The following PRKAB2 variants were observed in gnomAD, a reference collection of about 807,000 sequenced individuals.
PRKAB2 encodes protein kinase AMP-activated non-catalytic subunit beta 2.
In PRKAB2, 18 loss-of-function variants were observed where a neutral mutation model predicts 29.8. That is an observed-to-expected ratio of 0.60 (90% CI 0.42 to 0.89). The LOEUF is 0.89. Among genes scored for constraint, PRKAB2 ranks in the 40% least tolerant of loss-of-function variants. The probability of loss-of-function intolerance (pLI) is 0.00; values close to 1 mark genes in which losing one functional copy is unlikely to be tolerated. For synonymous variants in PRKAB2, 136 were observed against 125.9 expected, an observed-to-expected ratio of 1.08 and a Z score of -0.54; for missense variants, 270 against 344.3, an observed-to-expected ratio of 0.78 and a Z score of 1.71.
intron 1 of PRKAB2, 123 bp downstream of exon 1, chr1:147,172,306 C>T (rs1559616045): frequency 9.8e-7 from 1 of 1,020,718 alleles, no homozygotes; most frequent in Non-Finnish European, 1.4e-6. Flanking sequence ...CCTCTCCCTC[C>T]TGGCCTGCGG....
chr1:147,160,173 C>A (rs1164039018), intron 7 of PRKAB2, among the ~76,000 whole-genome samples: 6 of 152,164 alleles, frequency 3.9e-5, no homozygotes, highest in African/African-American at 1.4e-4. Flanking sequence ...TCCAAAAGAT[C>A]TCTCTGATTT....
At chr1:147,168,830 T>C (rs1654377747) in intron 2 of PRKAB2, among the ~76,000 whole-genome samples, 1 of 152,180 alleles carries the variant, frequency 6.6e-6, no homozygotes, top group African/African-American at 2.4e-5. Context: ...GAAAGGACCT[T>C]GCTCTGTCAC....
intron 7 of PRKAB2, 89 bp from the exon 8 acceptor site, chr1:147,159,731 T>C (rs1300685204): frequency 1.7e-6 from 2 of 1,144,734 alleles, no homozygotes; most frequent in Non-Finnish European, 2.6e-6. Context: ...AGTCACTCAC[T>C]TTTAACAGAG....
rs1415435693 is a variant in PRKAB2, at chr1:147,161,728, T to C, written c.725A>G (p.Tyr242Cys). Residue 242 changes from tyrosine (Y) to cysteine (C), a missense_variant, in exon 7 of 8, where the codon TAT (tyrosine) becomes TGT (cysteine). Physicochemically the swap from Tyr to Cys is radical, Grantham distance 194 (BLOSUM62 -2). Around this residue, in one of 2 missense-constraint regions of PRKAB2, gnomAD observed 42 missense variants for 88.8 expected, o/e 0.47. Transcript: ENST00000254101. ...ACCACTTACCTTAATGGACAATGCA[T>C]AGAGATGGTTCAGCATAACATGGTT... ...EPNHVMLNHL[Y>C]ALSIKDSVMV... is the part of the protein sequence containing the mutation. The C allele has an allele frequency of 1.1e-5, 18 of 1,612,648 alleles. No individual in the cohort carries two copies. Among genetic ancestry groups the C allele is most frequent in the Non-Finnish European group, 1.5e-5 (18 of 1,179,000 alleles).
At chr1:147,167,437 T>A (rs1338726330) in intron 3 of PRKAB2, among the ~76,000 whole-genome samples, 1 of 152,198 alleles carries the variant, frequency 6.6e-6, no homozygotes, top group African/African-American at 2.4e-5. Context: ...GTGTTTTGCT[T>A]TAGTGCAGAA....
At chr1:147,163,625 T>C (rs1406399407) in intron 5 of PRKAB2, among the ~76,000 whole-genome samples, 9 of 152,102 alleles carry the variant, frequency 5.9e-5, no homozygotes, top group Admixed American at 5.9e-4. Context: ...TCCACTGATA[T>C]GAAATGTCCA....
chr1:147,162,821 C>G (rs1654038036), intron 5 of PRKAB2, among the ~76,000 whole-genome samples: 1 of 152,128 alleles, frequency 6.6e-6, no homozygotes, highest in Non-Finnish European at 1.5e-5. Flanking sequence ...GACTCAAAGA[C>G]CCAGGCTCAG....
At chr1:147,163,155 C>T (rs587743331) in intron 5 of PRKAB2, among the ~76,000 whole-genome samples, 11 of 152,248 alleles carry the variant, frequency 7.2e-5, no homozygotes, top group Non-Finnish European at 1.5e-4. Context: ...TTCATACTCA[C>T]TAGGACAGCT....
rs1278206210 is a variant in PRKAB2 at position 147,158,240 on chromosome 1, G to A, written c.*1325C>T. 6.6e-6 allele frequency: 1 copy of A among 152,172 alleles called. No homozygotes were observed. Among genetic ancestry groups the A allele is most frequent in the Non-Finnish European group, 1.5e-5 (1 of 68,032 alleles). 9.4% of individuals were successfully genotyped at this position (152,172 alleles called of 1,614,324 possible). ...CTTAATCATCAAACACCTTTAAAAA[G>A]AAGAGGCAGGAGAACAAAATGATTT... On this transcript the variant is annotated 3_prime_UTR_variant, in exon 8 of 8. Coordinates refer to ENST00000254101, the MANE Select transcript of PRKAB2 (RefSeq NM_005399.5).
At chr1:147,170,547 T>G (rs1479410733) in intron 2 of PRKAB2, among the ~76,000 whole-genome samples, 1 of 152,234 alleles carries the variant, frequency 6.6e-6, no homozygotes, top group Non-Finnish European at 1.5e-5. Context: ...GTGCTCCTTT[T>G]AATCACTCTC....
intron 6 of PRKAB2, 123 bp downstream of exon 6, chr1:147,162,317 G>T: frequency 2.2e-6 from 2 of 927,220 alleles, no homozygotes; most frequent in Non-Finnish European, 3.1e-6. Context: ...AATGTTATTG[G>T]TATGTGTATG....
chr1:147,167,396 C>T (rs1194662537), intron 3 of PRKAB2, among the ~76,000 whole-genome samples: 1 of 152,158 alleles, frequency 6.6e-6, no homozygotes, highest in Non-Finnish European at 1.5e-5. Context: ...TTGGAAGCAA[C>T]AAATAACATG....
chr1:147,172,098 G>A lies in PRKAB2; in HGVS notation c.47C>T (p.Ala16Val), dbSNP rs1553914527. The A allele has an allele frequency of 6.4e-7, 1 of 1,559,082 alleles. No individual in the cohort carries two copies. The highest frequency in any genetic ancestry group is 1.2e-5 in the South Asian group (1 of 84,596). ...TGCGCCCTCGGAGCGTGCAGCCTTG[G>A]CGCCGTGGCGCTCCCCGGACACCCG... is the stretch of plus-strand genomic sequence containing the variant. ...SDRVSGERHG[A>V]KAARSEGAGG... Residue 16 changes from alanine to valine, a missense_variant, in exon 2 of 8, where the codon GCC becomes GTC. By Grantham distance (64) the Ala-to-Val change is moderately conservative (BLOSUM62 0). Around this residue, in one of 2 missense-constraint regions of PRKAB2, gnomAD observed 228 missense variants for 255.5 expected, o/e 0.89. Transcript: ENST00000254101.
chr1:147,162,177 C>G (rs587661940), intron 6 of PRKAB2, among the ~76,000 whole-genome samples: 1 of 152,154 alleles, frequency 6.6e-6, no homozygotes, highest in Admixed American at 6.5e-5. Flanking sequence ...ATGATAACTA[C>G]TCCTTTATGT....
In PRKAB2 at chr1:147,172,132, TG is replaced by T; in HGVS notation, c.12del (p.Thr5ProfsTer66). 6.4e-7 allele frequency: 1 copy of T among 1,550,942 alleles called. No homozygotes were observed. The highest frequency in any genetic ancestry group is 1.2e-5 in the South Asian group (1 of 84,094). MGN[T>X]TSDRVSGERH... ...CGCTCCCCGGACACCCGGTCGCTGG[TG>T]GTGTTTCCCATGGCTGCAGCTCGTC... On this transcript the variant is annotated frameshift_variant, in exon 2 of 8. Coordinates refer to ENST00000254101, the MANE Select transcript of PRKAB2 (RefSeq NM_005399.5). LOFTEE classifies it high-confidence loss of function.
chr1:147,172,002 A>T lies in PRKAB2; in HGVS notation c.143T>A (p.Leu48His). The change falls in exon 2 of 8, where the codon CTC becomes CAC. Residue 48 changes from leucine (L) to histidine (H), a missense_variant. This residue lies in a region of PRKAB2 where 228 missense variants were observed against 255.5 expected (regional missense o/e 0.89). Coordinates refer to ENST00000254101, the MANE Select transcript of PRKAB2 (RefSeq NM_005399.5). ...GSTDDPSVFS[L>H]PDSKLPGDKE... ...TGGGACGCTTACCTTGGAGTCAGGG[A>T]GGCTGAACACGCTGGGGTCGTCCGT... is the stretch of plus-strand genomic sequence containing the variant. The T allele has an allele frequency of 6.2e-7, 1 of 1,601,524 alleles. No individual in the cohort carries two copies. The highest frequency in any genetic ancestry group is 2.3e-5 in the East Asian group (1 of 43,934).
chr1:147,167,518 T>C (rs1654309815), intron 3 of PRKAB2, among the ~76,000 whole-genome samples: 1 of 152,118 alleles, frequency 6.6e-6, no homozygotes, highest in African/African-American at 2.4e-5. Context: ...TATGACATAG[T>C]CCTAAAGAAT....
rs1228449569 is a variant in PRKAB2, at chr1:147,156,719, C to A, written c.*2846G>T. Reference sequence around the variant, plus strand: ...CGTATGTGTTTTAGGTAATGTCTGACACTCTGGTAAAGTCTGCCTGACACA... The same window carrying A: ...CGTATGTGTTTTAGGTAATGTCTGAAACTCTGGTAAAGTCTGCCTGACACA... On this transcript the variant is annotated 3_prime_UTR_variant, in exon 8 of 8. Coordinates refer to ENST00000254101, the MANE Select transcript of PRKAB2 (RefSeq NM_005399.5). 6.6e-6 allele frequency: 1 copy of A among 152,086 alleles called. No individual in the cohort carries two copies. The highest frequency in any genetic ancestry group is 1.5e-5 in the Non-Finnish European group (1 of 68,020). 9.4% of individuals were successfully genotyped at this position (152,086 alleles called of 1,614,324 possible). A position where few individuals can be genotyped will look rare whatever the true frequency, so the allele number is the denominator to read the frequency against.
chr1:147,167,621 A>C, intron 3 of PRKAB2, 146 bp downstream of exon 3: 1 of 923,554 alleles, frequency 1.1e-6, no homozygotes. Context: ...AAAAAATCCC[A>C]CAGATATACT....
Sources: allele counts gnomAD v4.1 joint callset (sites outside exome capture counted in the v4.1 genomes callset), GRCh38; gene constraint gnomAD v4.1.1; regional missense constraint gnomAD v4.1.1; transcripts MANE v1.5; gene names NCBI Gene and HGNC (gene_info 2026-07-23, HGNC 2026-07-21).